CNTN6: variants seen among roughly 807,000 people sequenced by gnomAD.
CNTN6 encodes contactin-6.
A neutral mutation model predicts 122.8 loss-of-function variants in CNTN6; 137 were observed. The observed-to-expected ratio is 1.12, with a 90% CI of 0.97 to 1.29. The LOEUF (loss-of-function observed/expected upper bound fraction) is 1.29. CNTN6 is among the 50% of genes most tolerant of loss of function. The pLI, the probability that CNTN6 is intolerant of heterozygous loss-of-function variation, is 0.00. For missense variants in CNTN6, 1,634 were observed against 1,223.4 expected, an observed-to-expected ratio of 1.34 and a Z score of -5.01; for synonymous variants, 570 against 426.0, an observed-to-expected ratio of 1.34 and a Z score of -4.16.
intron 1 of CNTN6, among the ~76,000 whole-genome samples, chr3:1,134,954 C>A (rs2092434819): frequency 6.6e-6 from 1 of 152,054 alleles, no homozygotes; most frequent in Non-Finnish European, 1.5e-5. Context: ...GGGTGAATTT[C>A]TTTGCCTGCA....
chr3:1,151,787 T>A (rs1345620741), intron 2 of CNTN6, among the ~76,000 whole-genome samples: 1 of 152,056 alleles, frequency 6.6e-6, no homozygotes, highest in East Asian at 1.9e-4. Context: ...GCTTTAAAAA[T>A]TTGGTTTTGA....
chr3:1,106,498 C>T, intron 1 of CNTN6, among the ~76,000 whole-genome samples: 1 of 150,504 alleles, frequency 6.6e-6, no homozygotes, highest in Non-Finnish European at 1.5e-5. Context: ...GCCTAGGCAA[C>T]AAAGTGAGAC....
chr3:1,256,300 G>T (rs1465109941), intron 4 of CNTN6, among the ~76,000 whole-genome samples: 4 of 152,118 alleles, frequency 2.6e-5, no homozygotes, highest in African/African-American at 9.7e-5. Context: ...TGAAAGTGTG[G>T]GTGAGAGGTA....
chr3:1,400,412 T>C (rs1038835443), intron 20 of CNTN6, among the ~76,000 whole-genome samples: 1 of 152,074 alleles, frequency 6.6e-6, no homozygotes, highest in South Asian at 2.1e-4. Flanking sequence ...AATTCTCTAG[T>C]TGGACTATAT....
intron 12 of CNTN6, among the ~76,000 whole-genome samples, chr3:1,361,010 G>A (rs1022625026): frequency 2.0e-5 from 3 of 151,946 alleles, no homozygotes; most frequent in African/African-American, 4.8e-5. Flanking sequence ...ACTTCTCTCC[G>A]CTTCAATGAC....
At chr3:1,373,820 T>G in intron 15 of CNTN6, 58 bp downstream of exon 15, 1 of 1,496,516 alleles carries the variant, frequency 6.7e-7, no homozygotes, top group Non-Finnish European at 8.9e-7. Flanking sequence ...CCAATAATTT[T>G]AATAAATGCA....
At chr3:1,094,763 G>GT (rs74310069) in intron 1 of CNTN6, among the ~76,000 whole-genome samples, 128 of 147,908 alleles carry the variant, frequency 8.7e-4, no homozygotes, top group African/African-American at 2.4e-3. Flanking sequence ...ATACTTCTGG[G>GT]TTTTTTTTTT....
At chr3:1,320,174 T>A (rs531151025) in intron 7 of CNTN6, among the ~76,000 whole-genome samples, 2 of 151,874 alleles carry the variant, frequency 1.3e-5, no homozygotes, top group South Asian at 4.1e-4. Context: ...AAACTTAGTA[T>A]ATGATAATAA....
chr3:1,122,745 T>A (rs567554655), intron 1 of CNTN6, among the ~76,000 whole-genome samples: 1 of 152,058 alleles, frequency 6.6e-6, no homozygotes, highest in South Asian at 2.1e-4. Context: ...TATAATATTT[T>A]CAAGGTTTAT....
chr3:1,098,101 G>C (rs893967719), intron 1 of CNTN6, among the ~76,000 whole-genome samples: 3 of 151,762 alleles, frequency 2.0e-5, no homozygotes, highest in South Asian at 4.2e-4. Context: ...TTGCGGGGGG[G>C]GGAGGGATAG....
intron 11 of CNTN6, among the ~76,000 whole-genome samples, chr3:1,330,407 C>T (rs1016150002): frequency 2.0e-5 from 3 of 151,752 alleles, no homozygotes; most frequent in Non-Finnish European, 2.9e-5. Context: ...GAGAGGTTTC[C>T]TACCATAATG....
intron 4 of CNTN6, among the ~76,000 whole-genome samples, chr3:1,277,192 C>G (rs1692524488): frequency 6.6e-6 from 1 of 152,038 alleles, no homozygotes; most frequent in Non-Finnish European, 1.5e-5. Flanking sequence ...ACACTTACCA[C>G]AATTTGTAAA....
At chr3:1,332,613 G>C (rs1702480153) in intron 11 of CNTN6, among the ~76,000 whole-genome samples, 1 of 151,874 alleles carries the variant, frequency 6.6e-6, no homozygotes, top group African/African-American at 2.4e-5. Context: ...GGTCACTGCT[G>C]TTTACTATAG....
intron 2 of CNTN6, among the ~76,000 whole-genome samples, chr3:1,152,751 G>C (rs888675550): frequency 1.4e-4 from 21 of 152,132 alleles, no homozygotes; most frequent in African/African-American, 5.1e-4. Context: ...ATAAAGACTT[G>C]ATGATAATAG....
At chr3:1,224,330 G>C (rs2094249360) in intron 3 of CNTN6, among the ~76,000 whole-genome samples, 1 of 152,062 alleles carries the variant, frequency 6.6e-6, no homozygotes, top group Admixed American at 6.5e-5. Context: ...TAGACAGGAG[G>C]AATAAGTTCT....
intron 1 of CNTN6, among the ~76,000 whole-genome samples, chr3:1,098,957 A>G (rs999308124): frequency 6.6e-6 from 1 of 150,844 alleles, no homozygotes; most frequent in Non-Finnish European, 1.5e-5. Flanking sequence ...TACAATATAT[A>G]ATAAGGGCCT....
rs1262088111 is a variant in CNTN6 at position 1,352,405 on chromosome 3, A to C, written c.1446A>C (p.Thr482=). Residue 482 remains threonine, a synonymous_variant, in exon 12 of 23, where the codon ACA becomes ACC. Coordinates refer to ENST00000446702, the MANE Select transcript of CNTN6 (RefSeq NM_001289080.2). ...SDAGSYTCIA[T]NQFGTAKNTG... ...CTGGATCATATACATGCATAGCCAC[A>C]AATCAGTTTGGCACTGCAAAGAACA... is the stretch of plus-strand genomic sequence containing the variant. 6.2e-7 allele frequency: 1 copy of C among 1,609,194 alleles called. No individual in the cohort carries two copies. The highest frequency in any genetic ancestry group is 1.3e-5 in the African/African-American group (1 of 74,620).
At chr3:1,332,354 C>A (rs1019205371) in intron 11 of CNTN6, among the ~76,000 whole-genome samples, 1 of 151,942 alleles carries the variant, frequency 6.6e-6, no homozygotes, top group Non-Finnish European at 1.5e-5. Context: ...TGGCTTCAAG[C>A]TGTTTGTTGA....
At chr3:1,159,825 T>A (rs879652761) in intron 2 of CNTN6, among the ~76,000 whole-genome samples, 1 of 104,176 alleles carries the variant, frequency 9.6e-6, no homozygotes, top group East Asian at 4.1e-4. Flanking sequence ...TTTGTTTTTC[T>A]TTTTCCCCCC....
Sources: gnomAD v4.1 joint callset for allele counts (sites outside exome capture counted in the v4.1 genomes callset) on GRCh38, gnomAD v4.1.1 for gene constraint, MANE v1.5 for transcripts, NCBI Gene and HGNC (gene_info 2026-07-23, HGNC 2026-07-21) for gene names.